The following PCDH19 variants were observed in gnomAD, a reference collection of about 807,000 sequenced individuals.
PCDH19 encodes the protein protocadherin-19.
In PCDH19, 6 loss-of-function variants were observed where a neutral mutation model predicts 46.2. The ratio of observed to expected loss-of-function variants is 0.13; its 90% CI spans 0.07 to 0.26. PCDH19 has a LOEUF of 0.26. Ranked by LOEUF, PCDH19 falls within the 10% of genes least tolerant of loss-of-function variation. The pLI is 1.00. For synonymous variants in PCDH19, 481 were observed against 415.7 expected, an observed-to-expected ratio of 1.16 and a Z score of -1.91; for missense variants, 740 against 972.3, an observed-to-expected ratio of 0.76 and a Z score of 3.18.
chrX:100,407,506 C>A lies in PCDH19; in HGVS notation c.1092G>T (p.Pro364=). ...ELVEVSESAP[P]GYVIALVRVS... ...CCCGCACCAAGGCGATCACGTAGCC[C>A]GGGGGGGCGCTCTCGCTGACCTCCA... is the stretch of plus-strand genomic sequence containing the variant. Residue 364 remains proline (P), a synonymous_variant, in exon 1 of 6, where the codon CCG becomes CCT. Transcript: ENST00000373034. 8.3e-7 allele frequency: 1 copy of A among 1,210,797 alleles called. No homozygotes were observed. Among genetic ancestry groups the A allele is most frequent in the East Asian group, 3.0e-5 (1 of 33,812 alleles).
chrX:100,404,629 A>G (rs1324161158), intron 1 of PCDH19, among the ~76,000 whole-genome samples: 2 of 106,750 alleles, frequency 1.9e-5, no homozygotes, highest in Non-Finnish European at 3.9e-5. Context: ...TTTTTTTTCA[A>G]TATTCAGATG....
chrX:100,357,879 T>C (rs894035174), intron 3 of PCDH19, among the ~76,000 whole-genome samples: 1 of 112,044 alleles, frequency 8.9e-6, no homozygotes, highest in Non-Finnish European at 1.9e-5. Context: ...TGCGTTCATA[T>C]AATGCATCAA....
intron 3 of PCDH19, among the ~76,000 whole-genome samples, chrX:100,372,503 T>C (rs977402209): frequency 8.9e-6 from 1 of 112,393 alleles, no homozygotes; most frequent in African/African-American, 3.2e-5. Flanking sequence ...GGGAAGAAAG[T>C]TGGCACTTTT....
intron 3 of PCDH19, among the ~76,000 whole-genome samples, chrX:100,395,700 C>A (rs1025675236): frequency 8.8e-6 from 1 of 113,169 alleles, no homozygotes; most frequent in African/African-American, 3.2e-5. Context: ...CTCAAGCTCC[C>A]GGAGTTGGCA....
chrX:100,403,442 T>A, intron 2 of PCDH19, 82 bp downstream of exon 2: 2 of 980,133 alleles, frequency 2.0e-6, no homozygotes, highest in Non-Finnish European at 2.9e-6. Context: ...CCCGGTTCCC[T>A]TTTACTCACC....
chrX:100,333,206 A>AAAG (rs2147477653), intron 5 of PCDH19, among the ~76,000 whole-genome samples: 1 of 98,773 alleles, frequency 1.0e-5, no homozygotes, highest in South Asian at 5.0e-4. Flanking sequence ...AGAAAGAAAG[A>AAAG]AAGAAAGAAA....
At chrX:100,395,567 C>T (rs1236089314) in intron 3 of PCDH19, among the ~76,000 whole-genome samples, 2 of 113,059 alleles carry the variant, frequency 1.8e-5, no homozygotes, top group African/African-American at 6.4e-5. Context: ...TTTGCCTTTT[C>T]CATTTTCATT....
In PCDH19 at chrX:100,407,944, G is replaced by A. The variant is rs370941805; in HGVS notation, c.654C>T (p.Arg218=). ...ITALDGGDPP[R]LGTVGLSIKV... is the part of the protein sequence containing the mutation. ...TGATACTAAGGCCAACGGTGCCCAG[G>A]CGCGGCGGGTCGCCACCGTCTAGCG... Residue 218 remains arginine (R), a synonymous_variant, in exon 1 of 6, where the codon CGC becomes CGT. Transcript: ENST00000373034. 2 of 1,210,500 alleles carry A rather than the reference G, an allele frequency of 1.7e-6. No individual in the cohort carries two copies. Among genetic ancestry groups the A allele is most frequent in the Middle Eastern group, 2.3e-4 (1 of 4,355 alleles).
At chrX:100,319,476 T>C (rs1925409651) in intron 5 of PCDH19, among the ~76,000 whole-genome samples, 1 of 111,670 alleles carries the variant, frequency 9.0e-6, no homozygotes, top group Non-Finnish European at 1.9e-5. Context: ...AGGAACAAAA[T>C]ACATTGAGGA....
intron 2 of PCDH19, 70 bp from the exon 3 acceptor site, chrX:100,402,921 A>G: frequency 1.2e-6 from 1 of 843,901 alleles, no homozygotes; most frequent in Non-Finnish European, 1.7e-6. Flanking sequence ...ATAAACATTA[A>G]GCACCCCAGA....
At chrX:100,388,264 TTATA>T (rs1225570224) in intron 3 of PCDH19, among the ~76,000 whole-genome samples, 1 of 108,990 alleles carries the variant, frequency 9.2e-6, no homozygotes, top group Non-Finnish European at 1.9e-5. Context: ...TTGGAATTGT[TTATA>T]TATTATATAT....
At chrX:100,316,074 T>C (rs1047758309) in intron 5 of PCDH19, among the ~76,000 whole-genome samples, 4 of 111,796 alleles carry the variant, frequency 3.6e-5, no homozygotes, top group Non-Finnish European at 7.5e-5. Flanking sequence ...CTCTAGTGAG[T>C]GTCTTATCAC....
At chrX:100,353,233 T>C (rs1926619705) in intron 3 of PCDH19, among the ~76,000 whole-genome samples, 1 of 111,942 alleles carries the variant, frequency 8.9e-6, no homozygotes, top group African/African-American at 3.2e-5. Context: ...TTCAAGAAGA[T>C]TGGTAAAGAG....
At chrX:100,388,994 T>C (rs765059565) in intron 3 of PCDH19, among the ~76,000 whole-genome samples, 173 of 111,701 alleles carry the variant, frequency 1.5e-3, no homozygotes, top group African/African-American at 5.3e-3. Flanking sequence ...GCCATTTGAA[T>C]GGCTTCTTTA....
chrX:100,295,531 A>T lies in PCDH19; in HGVS notation c.*746T>A, dbSNP rs1008948502. The T allele has an allele frequency of 8.9e-6, 1 of 112,033 alleles. No homozygotes were observed. Among genetic ancestry groups the T allele is most frequent in the African/African-American group, 3.2e-5 (1 of 30,821 alleles). 9.2% of individuals were successfully genotyped at this position (112,033 alleles called of 1,213,427 possible). A position where few individuals can be genotyped will look rare whatever the true frequency, so the allele number is the denominator to read the frequency against. ...TAAAAAACGTGAGTATTCTCCAAGT[A>T]CTCAATCTATATGCATGGTGTTGCT... On this transcript the variant is annotated 3_prime_UTR_variant, in exon 6 of 6. Transcript: ENST00000373034.
intron 3 of PCDH19, among the ~76,000 whole-genome samples, chrX:100,352,329 T>G (rs1926594804): frequency 8.9e-6 from 1 of 112,526 alleles, no homozygotes; most frequent in African/African-American, 3.2e-5. Context: ...CAACAGTCAG[T>G]CAACCAACAA....
rs1407899174 is a variant in PCDH19, at chrX:100,409,622, A to G, written c.-1025T>C. ...GGGGAAGAGGGAAGGGGAGGCAACA[A>G]CAGTACCGGCCAGGAGAGGCGGGGC... is the stretch of plus-strand genomic sequence containing the variant. On this transcript the variant is annotated 5_prime_UTR_variant, in exon 1 of 6. Coordinates refer to ENST00000373034, the MANE Select transcript of PCDH19 (RefSeq NM_001184880.2). 6.3e-6 allele frequency: 1 copy of G among 157,566 alleles called. No individual in the cohort carries two copies. The highest frequency in any genetic ancestry group is 1.2e-5 in the Non-Finnish European group (1 of 84,942). The allele number at this position is 157,566 out of a possible 1,213,427, so 13.0% of individuals were successfully genotyped here. A position where few individuals can be genotyped will look rare whatever the true frequency, so the allele number is the denominator to read the frequency against.
At chrX:100,343,233 AC>A (rs1263082300) in intron 4 of PCDH19, among the ~76,000 whole-genome samples, 1 of 111,555 alleles carries the variant, frequency 9.0e-6, no homozygotes, top group Non-Finnish European at 1.9e-5. Flanking sequence ...CTGGTTCTCC[AC>A]CTTGCAGATG....
intron 4 of PCDH19, among the ~76,000 whole-genome samples, chrX:100,347,155 C>T (rs1287121438): frequency 9.0e-6 from 1 of 111,228 alleles, no homozygotes; most frequent in Non-Finnish European, 1.9e-5. Flanking sequence ...CTTCCTTTTC[C>T]CACAGTTGAG....
Sources: allele counts gnomAD v4.1 joint callset (sites outside exome capture counted in the v4.1 genomes callset), GRCh38; gene constraint gnomAD v4.1.1; transcripts MANE v1.5; gene names NCBI Gene and HGNC (gene_info 2026-07-23, HGNC 2026-07-21).